The following CDHR2 variants were observed in gnomAD, a reference collection of about 807,000 sequenced individuals.
CDHR2 encodes cadherin related family member 2.
Under a neutral mutation model 138.6 loss-of-function variants are expected in CDHR2, and 104 were observed. The observed-to-expected ratio is 0.75, with a 90% CI of 0.64 to 0.88. CDHR2 has a LOEUF of 0.88. Among genes scored for constraint, CDHR2 ranks in the 40% least tolerant of loss-of-function variants. CDHR2 has a pLI of 0.00. For missense variants in CDHR2, 1,624 were observed against 1,727.6 expected (o/e 0.94, Z 1.06); for synonymous variants, 755 against 742.8 (o/e 1.02, Z -0.27).
At chr5:176,575,917 G>T in intron 11 of CDHR2, 35 bp from the exon 12 acceptor site, 1 of 1,587,804 alleles carries the variant, frequency 6.3e-7, no homozygotes, top group Non-Finnish European at 8.6e-7. Flanking sequence ...CTGAGCACTG[G>T]CTCTCTGCCC....
chr5:176,558,285 G>A (rs1335649021), intron 1 of CDHR2, among the ~76,000 whole-genome samples: 4 of 149,252 alleles, frequency 2.7e-5, no homozygotes, highest in Admixed American at 6.8e-5. Flanking sequence ...GCGCCATCTC[G>A]GCTCACTGCA....
Position 176,578,076 on chromosome 5 carries a change from A to G in CDHR2, c.1555A>G (p.Ser519Gly). Residue 519 changes from serine to glycine, a missense_variant, in exon 15 of 32, where the codon AGC becomes GGC. This residue lies in a region of CDHR2 where 1,061 missense variants were observed against 1,136.6 expected (regional missense o/e 0.93). Coordinates refer to ENST00000261944, the MANE Select transcript of CDHR2 (RefSeq NM_017675.6). ...DTGAWGQITY[S>G]LLPGNGADLF... ...GGGCGCGTGGGGCCAAATTACCTAC[A>G]GCCTGCTCCCAGGAAATGGGTAAGG... 1 of 1,612,940 alleles carries G rather than the reference A, an allele frequency of 6.2e-7. No individual in the cohort carries two copies. Among genetic ancestry groups the G allele is most frequent in the Non-Finnish European group, 8.5e-7 (1 of 1,179,152 alleles).
Position 176,575,769 on chromosome 5 carries a change from T to A in CDHR2, c.890T>A (p.Ile297Asn), listed in dbSNP as rs150334010. 1 of 1,566,512 alleles carries A rather than the reference T, an allele frequency of 6.4e-7. No individual in the cohort carries two copies. The highest frequency in any genetic ancestry group is 8.7e-7 in the Non-Finnish European group (1 of 1,155,082). The change falls in exon 11 of 32, where the codon ATC becomes AAC. Residue 297 changes from isoleucine (I) to asparagine (N), a missense_variant. Physicochemically the swap from Ile to Asn is moderately radical, Grantham distance 149 (BLOSUM62 -3). Around this residue, in one of 3 missense-constraint regions of CDHR2, gnomAD observed 1,061 missense variants for 1,136.6 expected, o/e 0.93. Coordinates refer to ENST00000261944, the MANE Select transcript of CDHR2 (RefSeq NM_017675.6). The part of the protein sequence containing the change: ...GWFDIGADGV[I>N]RVNGSLDREQ... ...TTTGACATCGGGGCAGATGGGGTGA[T>A]CAGGGTCAACGGCTCCCTGGACCGT...
intron 6 of CDHR2, among the ~76,000 whole-genome samples, chr5:176,572,431 A>C (rs145325634): frequency 3.9e-5 from 6 of 152,122 alleles, no homozygotes; most frequent in African/African-American, 1.4e-4. Flanking sequence ...AAAATTAAAA[A>C]ATTAAAAAGT....
chr5:176,581,234 G>A, intron 16 of CDHR2, 109 bp from the exon 17 acceptor site: 7 of 1,437,676 alleles, frequency 4.9e-6, no homozygotes, highest in Non-Finnish European at 5.6e-6. Context: ...CTCCAGGCCT[G>A]ATGACTGCCT....
chr5:176,587,542 G>A (rs1266298483), intron 21 of CDHR2, among the ~76,000 whole-genome samples: 1 of 152,198 alleles, frequency 6.6e-6, no homozygotes, highest in Non-Finnish European at 1.5e-5. Flanking sequence ...TTTATTAGGG[G>A]TGGTGGCCAT....
At chr5:176,569,525 G>A (rs1459885187) in intron 5 of CDHR2, among the ~76,000 whole-genome samples, 8 of 151,754 alleles carry the variant, frequency 5.3e-5, no homozygotes, top group Non-Finnish European at 1.2e-4. Context: ...CTTGTGATCC[G>A]CCCGCCTCGG....
At chr5:176,548,758 A>G (rs1236247798), upstream of CDHR2, among the ~76,000 whole-genome samples, 2 of 151,792 alleles carry the variant, frequency 1.3e-5, no homozygotes, top group Non-Finnish European at 2.9e-5. Flanking sequence ...TAAATAAATA[A>G]TTAAAAAAAA....
At chr5:176,588,606 C>CAT (rs1301627688) in intron 21 of CDHR2, among the ~76,000 whole-genome samples, 1 of 122,700 alleles carries the variant, frequency 8.1e-6, no homozygotes, top group African/African-American at 3.2e-5. Context: ...AGTGTGTGTG[C>CAT]ATATGTGTGT....
intron 1 of CDHR2, among the ~76,000 whole-genome samples, chr5:176,561,070 A>C (rs1180667601): frequency 1.3e-5 from 2 of 152,204 alleles, no homozygotes; most frequent in African/African-American, 4.8e-5. Context: ...TGGGAACTCC[A>C]ACAATGAGAA....
intron 3 of CDHR2, among the ~76,000 whole-genome samples, chr5:176,568,231 C>T (rs1484851619): frequency 6.6e-6 from 1 of 152,170 alleles, no homozygotes; most frequent in Non-Finnish European, 1.5e-5. Context: ...GCATGCAGTA[C>T]AAGAGTTAGG....
At chr5:176,591,563 T>A in intron 30 of CDHR2, 79 bp downstream of exon 30, 1 of 990,910 alleles carries the variant, frequency 1.0e-6, no homozygotes, top group South Asian at 1.3e-5. Context: ...ATGGTGTTGG[T>A]GGTGATGATG....
At chr5:176,557,686 TTTTC>T (rs5873539) in intron 1 of CDHR2, among the ~76,000 whole-genome samples, 28,352 of 136,766 alleles carry the variant, frequency 0.21, 2,800 homozygotes, top group East Asian at 0.48. Context: ...GTTGATTTTT[TTTTC>T]TTTCTTTCTT....
intron 30 of CDHR2, 165 bp downstream of exon 30, chr5:176,591,649 G>A (rs1041382197): frequency 7.9e-6 from 5 of 635,470 alleles, no homozygotes; most frequent in Non-Finnish European, 1.4e-5. Context: ...GTGAGGTGAT[G>A]GTGATGGTAG....
chr5:176,557,686 T>TTTTC (rs5873539), intron 1 of CDHR2, among the ~76,000 whole-genome samples: 45 of 137,060 alleles, frequency 3.3e-4, no homozygotes, highest in African/African-American at 1.2e-3. Flanking sequence ...GTTGATTTTT[T>TTTTC]TTTCTTTCTT....
In CDHR2 at chr5:176,589,439, G is replaced by A. The variant is rs1282092098; in HGVS notation, c.3117+1G>A. On this transcript the variant is annotated splice_donor_variant, in intron 23 of 31. Coordinates refer to ENST00000261944, the MANE Select transcript of CDHR2 (RefSeq NM_017675.6). LOFTEE classifies it high-confidence loss of function. ...CCTGGAAGCCACCACCACCCTGAAT[G>A]TGAGTGCTGGTCCCACCTCCAGCCC... 4 of 1,605,246 alleles carry A rather than the reference G, an allele frequency of 2.5e-6. No homozygotes were observed. The Admixed American group carries it at 6.7e-5, about 27-fold the overall frequency.
At chr5:176,561,930 G>A (rs775780085) in intron 1 of CDHR2, among the ~76,000 whole-genome samples, 16 of 152,286 alleles carry the variant, frequency 1.1e-4, no homozygotes, top group Middle Eastern at 6.8e-3. Flanking sequence ...ATGAGCCACC[G>A]CACCCAGCCT....
rs35579655 is a variant in CDHR2 at position 176,584,772 on chromosome 5, G to A, written c.2491G>A (p.Val831Met). The change falls in exon 19 of 32, where the codon GTG becomes ATG. Residue 831 changes from valine (V) to methionine (M), a missense_variant. Val to Met is a conservative substitution (Grantham distance 21). This residue lies in a region of CDHR2 where 1,061 missense variants were observed against 1,136.6 expected (regional missense o/e 0.93). Coordinates refer to ENST00000261944, the MANE Select transcript of CDHR2 (RefSeq NM_017675.6). The stretch of plus-strand genomic sequence containing the variant: ...CTCACAGCACGGCCAGGTGGCTGTG[G>A]TGGTTGCCTCGGATGTGGACACCAG... ...NGSQHGQVAV[V>M]VASDVDTSAQ... The A allele has an allele frequency of 3.1e-6, 5 of 1,614,224 alleles. No homozygotes were observed. The highest frequency in any genetic ancestry group is 3.4e-6 in the Non-Finnish European group (4 of 1,180,050).
Position 176,556,502 on chromosome 5 carries a change from T to G in CDHR2, c.-16+7088T>G, listed in dbSNP as rs192053329. ...TAACATGGTGAAACCCAGTCTCTAC[T>G]AAAAATACAAAAATTAGCCGGGTGT... is the stretch of plus-strand genomic sequence containing the variant. On this transcript the variant is annotated intron_variant, in intron 1 of 31. Coordinates refer to ENST00000261944, the MANE Select transcript of CDHR2 (RefSeq NM_017675.6). 6.5e-3 allele frequency among the ~76,000 whole-genome samples: 990 copies of G among 152,224 alleles called. 6 individuals carry two copies. The highest frequency in any genetic ancestry group is 0.012 in the Non-Finnish European group (794 of 68,008).
Sources: allele counts gnomAD v4.1 joint callset (sites outside exome capture counted in the v4.1 genomes callset), GRCh38; gene constraint gnomAD v4.1.1; regional missense constraint gnomAD v4.1.1; transcripts MANE v1.5; gene names NCBI Gene and HGNC (gene_info 2026-07-23, HGNC 2026-07-21).